The following GTF2H1 variants were observed in gnomAD, a reference collection of about 807,000 sequenced individuals.
GTF2H1 encodes the protein general transcription factor IIH subunit 1.
GTF2H1 carries 16 observed loss-of-function variants against 71.2 expected under a neutral mutation model. That is an observed-to-expected ratio of 0.22 (90% confidence interval 0.15 to 0.34). GTF2H1 has a LOEUF of 0.34. Among genes scored for constraint, GTF2H1 ranks in the 10% least tolerant of loss-of-function variants. The probability of loss-of-function intolerance (pLI) is 1.00; values close to 1 mark genes in which losing one functional copy is unlikely to be tolerated. For missense variants in GTF2H1, 498 were observed against 648.2 expected (o/e 0.77, Z 2.52); for synonymous variants, 215 against 219.0 (o/e 0.98, Z 0.16).
intron 7 of GTF2H1, among the ~76,000 whole-genome samples, chr11:18,343,967 C>G (rs1318667006): frequency 6.6e-6 from 1 of 152,116 alleles, no homozygotes; most frequent in Non-Finnish European, 1.5e-5. Context: ...GTAGCTGGGA[C>G]TGTAGCACAG....
intron 7 of GTF2H1, among the ~76,000 whole-genome samples, chr11:18,343,821 G>A (rs968806894): frequency 2.0e-5 from 3 of 152,174 alleles, no homozygotes; most frequent in Admixed American, 6.5e-5. Flanking sequence ...CCTGGGAGTC[G>A]GCGAGTCTCC....
intron 7 of GTF2H1, among the ~76,000 whole-genome samples, chr11:18,345,199 AT>A (rs1865261532): frequency 1.3e-5 from 2 of 152,226 alleles, no homozygotes; most frequent in Non-Finnish European, 2.9e-5. Flanking sequence ...TCAAAAAAAA[AT>A]AAAAATATAA....
rs1043861869 is a variant in GTF2H1 at position 18,366,717 on chromosome 11, G to T, written c.*848G>T. On this transcript the variant is annotated 3_prime_UTR_variant, in exon 15 of 15. Transcript: ENST00000265963. ...AAGATGGCATGTGCTTTGAAAAGAA[G>T]ATATTGCATTTTTAAGAGTTTAAAA... The T allele has an allele frequency of 3.9e-5, 6 of 152,434 alleles. No homozygotes were observed. Among genetic ancestry groups the T allele is most frequent in the Non-Finnish European group, 7.4e-5 (5 of 68,010 alleles). The allele number at this position is 152,434 out of a possible 1,614,324, so 9.4% of individuals were successfully genotyped here. A position where few individuals can be genotyped will look rare whatever the true frequency, so the allele number is the denominator to read the frequency against.
intron 2 of GTF2H1, among the ~76,000 whole-genome samples, chr11:18,334,110 T>TTAC (rs1864965641): frequency 1.3e-5 from 2 of 152,158 alleles, no homozygotes; most frequent in African/African-American, 4.8e-5. Flanking sequence ...CCGGGCGCGG[T>TTAC]GGCTCACGCC....
chr11:18,338,698 C>T (rs1302625795), intron 4 of GTF2H1, among the ~76,000 whole-genome samples: 4 of 152,202 alleles, frequency 2.6e-5, no homozygotes, highest in Admixed American at 1.3e-4. Flanking sequence ...TTCCTCCCAT[C>T]TTAGCCTCCC....
chr11:18,338,413 A>G, intron 4 of GTF2H1, 139 bp downstream of exon 4: 1 of 612,856 alleles, frequency 1.6e-6, no homozygotes, highest in East Asian at 2.7e-5. Context: ...GGTATTCTTC[A>G]CTATTATTGA....
rs902662013 is a variant in GTF2H1 at position 18,332,138 on chromosome 11, A to G, written c.-15-922A>G. Reference sequence around the variant, plus strand: ...CCACATCACTTGGCCTGTTTTCATTAGTTTTAACCCTCAGAAAAATGTTGC... The same window carrying G: ...CCACATCACTTGGCCTGTTTTCATTGGTTTTAACCCTCAGAAAAATGTTGC... On this transcript the variant is annotated intron_variant, in intron 1 of 14. Coordinates refer to ENST00000265963, the MANE Select transcript of GTF2H1 (RefSeq NM_005316.4). Among the ~76,000 whole-genome samples, 32 of 152,198 alleles carry G rather than the reference A, an allele frequency of 2.1e-4. 1 individual carries two copies. The highest frequency in any genetic ancestry group is 7.3e-5 in the Non-Finnish European group (5 of 68,032).
intron 1 of GTF2H1, among the ~76,000 whole-genome samples, chr11:18,331,395 A>C (rs1206939130): frequency 6.6e-6 from 1 of 151,622 alleles, no homozygotes; most frequent in Non-Finnish European, 1.5e-5. Context: ...TGCTGGGCGC[A>C]GTGGCTCACA....
In GTF2H1 at chr11:18,352,391, A is replaced by T. The variant is rs1408741651; in HGVS notation, c.1205A>T (p.Asn402Ile). The change falls in exon 11 of 15, where the codon AAT becomes ATT. Residue 402 changes from asparagine (N) to isoleucine (I), a missense_variant. This residue lies in a region of GTF2H1 where 266 missense variants were observed against 301.6 expected (regional missense o/e 0.88). Transcript: ENST00000265963. ...LQYATSQDII[N>I]SFQSIRQEME... ...TATGCAACAAGTCAGGACATTATTA[A>T]TTCTTTTCAAAGTATTAGACAAGAA... 2 of 1,588,606 alleles carry T rather than the reference A, an allele frequency of 1.3e-6. No homozygotes were observed. Among genetic ancestry groups the T allele is most frequent in the African/African-American group, 2.7e-5 (2 of 74,458 alleles).
intron 3 of GTF2H1, among the ~76,000 whole-genome samples, chr11:18,336,668 A>T (rs1426106646): frequency 6.6e-6 from 1 of 152,208 alleles, no homozygotes; most frequent in African/African-American, 2.4e-5. Context: ...GTCACAGAGA[A>T]GATGCTAAGC....
intron 7 of GTF2H1, among the ~76,000 whole-genome samples, chr11:18,345,792 AT>A (rs936630162): frequency 3.9e-5 from 2 of 50,798 alleles, no homozygotes; most frequent in African/African-American, 6.2e-5. Context: ...CCCAGCACAT[AT>A]GAGTTTTTTT....
At position 18,337,382 on chromosome 11, in the gene GTF2H1, C is replaced by T. The variant is rs996708196; in HGVS notation, c.348-727C>T. On this transcript the variant is annotated intron_variant, in intron 3 of 14. Coordinates refer to ENST00000265963, the MANE Select transcript of GTF2H1 (RefSeq NM_005316.4). ...ATCGCATGAATCTGGGAGGCAAAGG[C>T]TGCAGTGAGCTGAGATCATGCCAGT... 2.7e-4 allele frequency among the ~76,000 whole-genome samples: 41 copies of T among 152,014 alleles called. 1 individual carries two copies. The highest frequency in any genetic ancestry group is 8.8e-5 in the Non-Finnish European group (6 of 67,986).
intron 11 of GTF2H1, among the ~76,000 whole-genome samples, chr11:18,352,791 A>T (rs1351169376): frequency 6.6e-6 from 1 of 152,214 alleles, no homozygotes; most frequent in Non-Finnish European, 1.5e-5. Context: ...ACAGCTCATC[A>T]TTGTTCTTTG....
intron 14 of GTF2H1, among the ~76,000 whole-genome samples, chr11:18,364,914 ATT>A (rs1471996827): frequency 6.6e-6 from 1 of 151,956 alleles, no homozygotes; most frequent in Non-Finnish European, 1.5e-5. Context: ...AGAATAAGGC[ATT>A]TTTCCAGTGT....
intron 1 of GTF2H1, 119 bp from the exon 2 acceptor site, chr11:18,332,941 T>TC (rs34807398): frequency 1.7e-6 from 1 of 585,858 alleles, no homozygotes; most frequent in South Asian, 3.1e-5. Context: ...ACTTTCTTCT[T>TC]CCCCGTTAAT....
chr11:18,351,859 AGT>A lies in GTF2H1; in HGVS notation c.1054-21_1054-20del. 8.4e-7 allele frequency: 1 copy of A among 1,191,864 alleles called. No homozygotes were observed. Among genetic ancestry groups the A allele is most frequent in the East Asian group, 2.3e-5 (1 of 42,802 alleles). The allele number at this position is 1,191,864 out of a possible 1,614,324, so 73.8% of individuals were successfully genotyped here. On this transcript the variant is annotated intron_variant, in intron 9 of 14. Transcript: ENST00000265963. ...AAGAGAAAGTTGTGACAAAATAAAA[AGT>A]ACTGTGTTAATAATTATAGGCGAAA...
intron 11 of GTF2H1, among the ~76,000 whole-genome samples, chr11:18,357,516 A>G (rs1357693323): frequency 6.6e-6 from 1 of 152,180 alleles, no homozygotes; most frequent in Non-Finnish European, 1.5e-5. Context: ...CAGGAGTTCA[A>G]GTTCAGCCTG....
chr11:18,349,866 C>T (rs1386491625), intron 9 of GTF2H1, among the ~76,000 whole-genome samples: 2 of 152,090 alleles, frequency 1.3e-5, no homozygotes, highest in African/African-American at 4.8e-5. Flanking sequence ...TAAATGTGTT[C>T]CGAACACTTA....
intron 7 of GTF2H1, among the ~76,000 whole-genome samples, chr11:18,342,363 G>A (rs1865181270): frequency 1.5e-5 from 2 of 137,696 alleles, no homozygotes; most frequent in Admixed American, 1.7e-4. Context: ...CCAAGTTAAA[G>A]CCATTCTCCT....
Sources: gnomAD v4.1 joint callset for allele counts (sites outside exome capture counted in the v4.1 genomes callset) on GRCh38, gnomAD v4.1.1 for gene constraint, gnomAD v4.1.1 regional missense constraint, MANE v1.5 for transcripts, NCBI Gene and HGNC (gene_info 2026-07-23, HGNC 2026-07-21) for gene names.